Variants in ZNF165 observed in about 807,000 individuals in gnomAD.
The protein encoded by ZNF165 is cancer/testis antigen 53.
A neutral mutation model predicts 19.6 loss-of-function variants in ZNF165; 14 were observed. That is an observed-to-expected ratio of 0.71 (90% CI 0.47 to 1.12). The LOEUF (loss-of-function observed/expected upper bound fraction) is 1.12. Among genes scored for constraint, ZNF165 ranks in the 50% most tolerant of loss-of-function variants. ZNF165 has a pLI of 0.00. For synonymous variants in ZNF165, 165 were observed against 195.0 expected (o/e 0.85, Z 1.28); for missense variants, 504 against 566.3 (o/e 0.89, Z 1.12).
chr6:28,087,264 GAC>G (rs897174422), intron 3 of ZNF165, among the ~76,000 whole-genome samples: 2 of 152,052 alleles, frequency 1.3e-5, no homozygotes, highest in Non-Finnish European at 2.9e-5. Context: ...TGTTTTTCCT[GAC>G]ACAGAGTCTT....
rs1177324546 is a variant in ZNF165 at position 28,089,415 on chromosome 6, G to T, written c.1403G>T (p.Ser468Ile). The T allele has an allele frequency of 6.2e-7, 1 of 1,613,458 alleles. No individual in the cohort carries two copies. The highest frequency in any genetic ancestry group is 2.2e-5 in the East Asian group (1 of 44,868). ...GAGTGTGGAAGAGCCTTCAGTCAGA[G>T]CTCAAACCTTAGTCAACACCAGAGA... ...CSECGRAFSQ[S>I]SNLSQHQRIH... Residue 468 changes from serine (S) to isoleucine (I), a missense_variant, in exon 4 of 4, where the codon AGC becomes ATC. By Grantham distance (142) the Ser-to-Ile change is moderately radical. Coordinates refer to ENST00000683778, the MANE Select transcript of ZNF165 (RefSeq NM_001376491.1).
Position 28,089,035 on chromosome 6 carries a change from T to TA in ZNF165, c.1027dup (p.Thr343AsnfsTer5). Reference sequence around the variant, plus strand: ...AACATGCAGCAGTTTTCAGTGGAGATAAAACTCATCAGTGTAATGAATGTG... The same window carrying TA: ...AACATGCAGCAGTTTTCAGTGGAGATAAAAACTCATCAGTGTAATGAATGTG... On this transcript the variant is annotated frameshift_variant, in exon 4 of 4. Coordinates refer to ENST00000683778, the MANE Select transcript of ZNF165 (RefSeq NM_001376491.1). LOFTEE classifies it low-confidence loss of function (END_TRUNC). 1 of 1,614,182 alleles carries TA rather than the reference T, an allele frequency of 6.2e-7. No individual in the cohort carries two copies. Among genetic ancestry groups the TA allele is most frequent in the East Asian group, 2.2e-5 (1 of 44,882 alleles).
At position 28,089,341 on chromosome 6, in the gene ZNF165, T is replaced by C; in HGVS notation, c.1329T>C (p.Leu443=). 6.2e-7 allele frequency: 1 copy of C among 1,614,172 alleles called. No individual in the cohort carries two copies. The highest frequency in any genetic ancestry group is 1.1e-5 in the South Asian group (1 of 91,090). The change falls in exon 4 of 4, where the codon CTT becomes CTC. Residue 443 remains leucine, a synonymous_variant. Coordinates refer to ENST00000683778, the MANE Select transcript of ZNF165 (RefSeq NM_001376491.1). ...CGKTFRVSSH[L]IRHFRIHTGE... The stretch of plus-strand genomic sequence containing the variant: ...AAACCTTCCGAGTGAGCTCACATCT[T>C]ATTCGACACTTTAGAATTCACACTG...
chr6:28,089,556 G>T lies in ZNF165; in HGVS notation c.*86G>T, dbSNP rs1324648652. On this transcript the variant is annotated 3_prime_UTR_variant, in exon 4 of 4. Coordinates refer to ENST00000683778, the MANE Select transcript of ZNF165 (RefSeq NM_001376491.1). Reference sequence around the variant, plus strand: ...AAAATAAATATTGGGCAAGATGGAAGACTGAAAGACCAGTTTCTGGTGTTC... The same window carrying T: ...AAAATAAATATTGGGCAAGATGGAATACTGAAAGACCAGTTTCTGGTGTTC... 7.5e-7 allele frequency: 1 copy of T among 1,325,210 alleles called. No individual in the cohort carries two copies. The highest frequency in any genetic ancestry group is 1.0e-6 in the Non-Finnish European group (1 of 1,000,526). 82.1% of individuals were successfully genotyped at this position (1,325,210 alleles called of 1,614,324 possible).
In ZNF165 at chr6:28,089,381, G is replaced by GA. The variant is rs754998871; in HGVS notation, c.1371dup (p.Cys458MetfsTer3). 2.2e-5 allele frequency: 36 copies of GA among 1,614,182 alleles called. No individual in the cohort carries two copies. The Admixed American group carries it at 2.5e-4, about 11-fold the overall frequency. ...AATTCACACTGGAGAAAAACCCTAT[G>GA]AATGCAGTGAGTGTGGAAGAGCCTT... On this transcript the variant is annotated frameshift_variant, in exon 4 of 4. Transcript: ENST00000683778. LOFTEE classifies it high-confidence loss of function.
At chr6:28,085,917 A>G in intron 2 of ZNF165, 26 bp downstream of exon 2, 2 of 1,598,858 alleles carry the variant, frequency 1.3e-6, no homozygotes, top group Admixed American at 3.5e-5. Flanking sequence ...GAGATCTAAG[A>G]CCTCCATAAT....
At chr6:28,084,856 G>C (rs1164333238) in intron 1 of ZNF165, among the ~76,000 whole-genome samples, 6 of 152,116 alleles carry the variant, frequency 3.9e-5, no homozygotes, top group Non-Finnish European at 7.4e-5. Flanking sequence ...CTTCACAGTT[G>C]ATGTTTTCTA....
rs767985339 is a variant in ZNF165, at chr6:28,085,489, A to G, written c.9A>G (p.Thr3=). ...ATATATTCTATCCACAGATGGCTAC[A>G]GAACCAAAGAAAGCTGCAGCCCAGA... The part of the protein sequence containing the change: MA[T]EPKKAAAQNS... The change falls in exon 2 of 4, where the codon ACA becomes ACG. Residue 3 remains threonine, a synonymous_variant. Transcript: ENST00000683778. 3.7e-6 allele frequency: 6 copies of G among 1,610,784 alleles called. No individual in the cohort carries two copies. The Admixed American group carries it at 8.5e-5, about 23-fold the overall frequency.
chr6:28,085,604 C>T lies in ZNF165; in HGVS notation c.124C>T (p.Leu42Phe), dbSNP rs1194758196. Reference sequence around the variant, plus strand: ...GGACACTTGCTTACAGAGAAGTGAACTCCTTAAGCAGGAGCTCTGCAGGCA... The same window carrying T: ...GGACACTTGCTTACAGAGAAGTGAATTCCTTAAGCAGGAGCTCTGCAGGCA... ...GQDTCLQRSE[L>F]LKQELCRQLF... The change falls in exon 2 of 4, where the codon CTC (leucine) becomes TTC (phenylalanine). Residue 42 changes from leucine to phenylalanine, a missense_variant. Leu to Phe is a conservative substitution (Grantham distance 22). Transcript: ENST00000683778. 1 of 1,614,248 alleles carries T rather than the reference C, an allele frequency of 6.2e-7. No homozygotes were observed. Among genetic ancestry groups the T allele is most frequent in the African/African-American group, 1.3e-5 (1 of 75,066 alleles).
At position 28,080,863 on chromosome 6, in the gene ZNF165, C is replaced by G. The variant is rs985156740; in HGVS notation, c.-108C>G. 2 of 152,184 alleles carry G rather than the reference C, an allele frequency of 1.3e-5. No individual in the cohort carries two copies. Among genetic ancestry groups the G allele is most frequent in the Non-Finnish European group, 2.9e-5 (2 of 68,066 alleles). 9.4% of individuals were successfully genotyped at this position (152,184 alleles called of 1,614,324 possible). A position where few individuals can be genotyped will look rare whatever the true frequency, so the allele number is the denominator to read the frequency against. On this transcript the variant is annotated 5_prime_UTR_variant, in exon 1 of 4. Transcript: ENST00000683778. ...CTTGGAATTGTAGTCCAAAGGCATCCCGCCTTCTGCGCAGACTCACAAGTC... is the reference window on the plus strand; with the variant it reads ...CTTGGAATTGTAGTCCAAAGGCATCGCGCCTTCTGCGCAGACTCACAAGTC...
chr6:28,086,072 T>C (rs1764267661), intron 2 of ZNF165, 100 bp from the exon 3 acceptor site: 1 of 1,528,190 alleles, frequency 6.5e-7, no homozygotes, highest in Admixed American at 2.1e-5. Flanking sequence ...CGATTCTTCC[T>C]TCCCCAGTTT....
Position 28,082,365 on chromosome 6 carries a change from A to G in ZNF165, c.-1+1395A>G, listed in dbSNP as rs143649207. On this transcript the variant is annotated intron_variant, in intron 1 of 3. Coordinates refer to ENST00000683778, the MANE Select transcript of ZNF165 (RefSeq NM_001376491.1). ...CAGTGGCGCTAGAGGAATTAAAGAC[A>G]CACACAGAAATATAGAGTGTGGAGT... Among the ~76,000 whole-genome samples, 583 of 152,308 alleles carry G rather than the reference A, an allele frequency of 3.8e-3. 1 individual carries two copies. Among genetic ancestry groups the G allele is most frequent in the African/African-American group, 0.014 (573 of 41,574 alleles).
At chr6:28,086,950 A>G (rs1196986760) in intron 3 of ZNF165, among the ~76,000 whole-genome samples, 1 of 152,256 alleles carries the variant, frequency 6.6e-6, no homozygotes, top group Non-Finnish European at 1.5e-5. Context: ...AGAAGTACAT[A>G]TAATGATCAA....
chr6:28,084,983 G>A (rs775607089), intron 1 of ZNF165, among the ~76,000 whole-genome samples: 9 of 151,970 alleles, frequency 5.9e-5, no homozygotes, highest in South Asian at 4.2e-4. Context: ...TTCTCTGTTC[G>A]TAATTTCCTA....
At position 28,085,670 on chromosome 6, in the gene ZNF165, C is replaced by T. The variant is rs544657964; in HGVS notation, c.190C>T (p.Arg64Cys). 167 of 1,614,178 alleles carry T rather than the reference C, an allele frequency of 1.0e-4. No individual in the cohort carries two copies. In the South Asian group the frequency reaches 1.6e-3, roughly 16 times the overall value. The change falls in exon 2 of 4, where the codon CGC becomes TGC. Residue 64 changes from arginine (R) to cysteine (C), a missense_variant. Coordinates refer to ENST00000683778, the MANE Select transcript of ZNF165 (RefSeq NM_001376491.1). ...QFCYQDSPGP[R>C]EALSRLRELC... is the part of the protein sequence containing the mutation. ...CTGCTACCAGGATTCTCCTGGACCT[C>T]GCGAGGCACTGAGCCGCCTCCGGGA...
chr6:28,083,820 GTC>G (rs1419218670), intron 1 of ZNF165, among the ~76,000 whole-genome samples: 1 of 152,124 alleles, frequency 6.6e-6, no homozygotes, highest in Non-Finnish European at 1.5e-5. Flanking sequence ...ACCATTCACA[GTC>G]TCTTCCCACC....
At chr6:28,085,442 C>A in intron 1 of ZNF165, 39 bp from the exon 2 acceptor site, 1 of 1,578,836 alleles carries the variant, frequency 6.3e-7, no homozygotes, top group Non-Finnish European at 8.5e-7. Context: ...TAAAGAAGAC[C>A]CTTTCCAAAG....
upstream of ZNF165, among the ~76,000 whole-genome samples, chr6:28,080,327 T>C (rs1321260636): frequency 3.9e-5 from 6 of 152,150 alleles, no homozygotes; most frequent in Admixed American, 2.0e-4. Context: ...CACCCTTCTA[T>C]AGAAGTAAAT....
At chr6:28,086,054 A>G (rs1764267138) in intron 2 of ZNF165, 118 bp from the exon 3 acceptor site, 1 of 1,510,204 alleles carries the variant, frequency 6.6e-7, no homozygotes, top group Non-Finnish European at 8.9e-7. Context: ...TTACAATTAA[A>G]TCAGACTCGA....
Sources: gnomAD v4.1 joint callset for allele counts (sites outside exome capture counted in the v4.1 genomes callset) on GRCh38, gnomAD v4.1.1 for gene constraint, MANE v1.5 for transcripts, NCBI Gene and HGNC (gene_info 2026-07-23, HGNC 2026-07-21) for gene names.